EEA1: variants seen among roughly 807,000 people sequenced by gnomAD.
EEA1 encodes early endosome antigen 1.
EEA1 carries 111 observed loss-of-function variants against 209.2 expected under a neutral mutation model. That is an observed-to-expected ratio of 0.53 (90% CI 0.45 to 0.62). EEA1 has a LOEUF of 0.62. Among genes scored for constraint, EEA1 ranks in the 20% least tolerant of loss-of-function variants. EEA1 has a pLI of 0.00. For missense variants in EEA1, 1,343 were observed against 1,530.8 expected (o/e 0.88, Z 2.05); for synonymous variants, 536 against 540.6 (o/e 0.99, Z 0.12).
intron 21 of EEA1, among the ~76,000 whole-genome samples, chr12:92,792,469 T>C (rs1209594601): frequency 6.6e-6 from 1 of 151,936 alleles, no homozygotes; most frequent in Non-Finnish European, 1.5e-5. Context: ...CCCACAGAAA[T>C]ACAAACTACC....
chr12:92,802,502 CTGT>C lies in EEA1; in HGVS notation c.2569_2571del (p.Thr857del). On this transcript the variant is annotated inframe_deletion, in exon 19 of 29. Coordinates refer to ENST00000322349, the MANE Select transcript of EEA1 (RefSeq NM_003566.4). ...GAAACTTTTGATAGTTTGTCCTTTA[CTGT>C]AGAAAGCTCTGTCATTAAAGCTTCT... The C allele has an allele frequency of 6.3e-7, 1 of 1,591,272 alleles. No individual in the cohort carries two copies. Among genetic ancestry groups the C allele is most frequent in the Non-Finnish European group, 8.5e-7 (1 of 1,173,504 alleles).
chr12:92,925,433 C>G (rs1881176502), intron 1 of EEA1, among the ~76,000 whole-genome samples: 1 of 152,136 alleles, frequency 6.6e-6, no homozygotes, highest in African/African-American at 2.4e-5. Context: ...CCAAGCTGGT[C>G]TCGAACTCCT....
intron 9 of EEA1, 25 bp from the exon 10 acceptor site, chr12:92,842,606 A>C: frequency 7.6e-7 from 1 of 1,307,578 alleles, no homozygotes; most frequent in Non-Finnish European, 1.1e-6. Context: ...CAAAACAAAA[A>C]TTAAAGCAAA....
intron 1 of EEA1, among the ~76,000 whole-genome samples, chr12:92,892,819 G>A (rs898433844): frequency 7.2e-5 from 11 of 152,030 alleles, no homozygotes; most frequent in Non-Finnish European, 1.0e-4. Flanking sequence ...TAGTGGAAAC[G>A]GGGTTTCACC....
chr12:92,835,389 T>A (rs1230751113), intron 10 of EEA1: 1 of 347,464 alleles, frequency 2.9e-6, no homozygotes, highest in Non-Finnish European at 5.6e-6. Flanking sequence ...ACCCTTGAGA[T>A]AGTTTCACTC....
At chr12:92,868,780 C>T (rs529407137) in intron 2 of EEA1, among the ~76,000 whole-genome samples, 7 of 152,026 alleles carry the variant, frequency 4.6e-5, no homozygotes, top group South Asian at 2.1e-4. Flanking sequence ...CATATAATTC[C>T]GCACCTTCTC....
intron 3 of EEA1, chr12:92,859,292 T>TC: frequency 6.5e-7 from 1 of 1,538,832 alleles, no homozygotes; most frequent in South Asian, 1.2e-5. Flanking sequence ...TCATCTTTTT[T>TC]CCCCATACTT....
chr12:92,845,619 G>A (rs764569639), intron 9 of EEA1, among the ~76,000 whole-genome samples: 64 of 152,058 alleles, frequency 4.2e-4, no homozygotes, highest in Non-Finnish European at 8.1e-4. Flanking sequence ...GATCTTCCCC[G>A]ACAACTCTAA....
chr12:92,820,316 T>C (rs970690924), intron 13 of EEA1, among the ~76,000 whole-genome samples: 5 of 152,182 alleles, frequency 3.3e-5, no homozygotes, highest in Non-Finnish European at 5.9e-5. Context: ...CACACCACTC[T>C]GCTGACACAG....
intron 17 of EEA1, among the ~76,000 whole-genome samples, chr12:92,810,360 T>C (rs889181311): frequency 2.6e-5 from 4 of 152,142 alleles, no homozygotes; most frequent in Non-Finnish European, 5.9e-5. Context: ...TTTTAATAGG[T>C]ACCCAAAAAG....
intron 15 of EEA1, 104 bp downstream of exon 15, chr12:92,816,096 A>T (rs1211750997): frequency 2.9e-6 from 3 of 1,040,718 alleles, no homozygotes. Context: ...CTTATTTCAA[A>T]TTTTTTTCAA....
chr12:92,782,009 T>C lies in EEA1; in HGVS notation c.3277A>G (p.Lys1093Glu), dbSNP rs1049000876. ...AKATLEQDSA[K>E]KEQQLQERCK... ...CGCTCCTGCAATTGCTGTTCTTTCTTTGCTGAATCCTGCTCCAATGTAGCC... is the reference window on the plus strand; with the variant it reads ...CGCTCCTGCAATTGCTGTTCTTTCTCTGCTGAATCCTGCTCCAATGTAGCC... The change falls in exon 23 of 29, where the codon AAG becomes GAG. Residue 1093 changes from lysine to glutamate, a missense_variant. Around this residue, in one of 3 missense-constraint regions of EEA1, gnomAD observed 1,307 missense variants for 1,465.5 expected, o/e 0.89. Coordinates refer to ENST00000322349, the MANE Select transcript of EEA1 (RefSeq NM_003566.4). The C allele has an allele frequency of 6.2e-7, 1 of 1,613,340 alleles. No individual in the cohort carries two copies. Among genetic ancestry groups the C allele is most frequent in the Non-Finnish European group, 8.5e-7 (1 of 1,179,520 alleles).
intron 13 of EEA1, among the ~76,000 whole-genome samples, 186 bp from the exon 14 acceptor site, chr12:92,819,697 A>G (rs947028293): frequency 3.3e-5 from 5 of 152,132 alleles, no homozygotes; most frequent in South Asian, 4.1e-4. Context: ...ATATAAATCT[A>G]TATCATTATA....
intron 9 of EEA1, 62 bp from the exon 10 acceptor site, chr12:92,842,643 T>G (rs7316894): frequency 0.39 from 415,440 of 1,057,694 alleles, 90,160 homozygotes; most frequent in East Asian, 0.93. Context: ...ATAAAAAAAA[T>G]GAAAGTATAT....
Position 92,777,675 on chromosome 12 carries a change from T to C in EEA1, c.3894-12A>G, listed in dbSNP as rs1038766076. On this transcript the variant is annotated splice_polypyrimidine_tract_variant and intron_variant, in intron 26 of 28. Coordinates refer to ENST00000322349, the MANE Select transcript of EEA1 (RefSeq NM_003566.4). ...CTCCTTTAAGACATCTGGAATAGAT[T>C]GCAAAGAGGTAATTAATTTTTTAGA... 7 of 1,607,112 alleles carry C rather than the reference T, an allele frequency of 4.4e-6. No individual in the cohort carries two copies. Among genetic ancestry groups the C allele is most frequent in the Non-Finnish European group, 5.9e-6 (7 of 1,177,042 alleles).
intron 10 of EEA1, among the ~76,000 whole-genome samples, chr12:92,840,647 T>C (rs1158842778): frequency 6.6e-6 from 1 of 152,164 alleles, no homozygotes; most frequent in Non-Finnish European, 1.5e-5. Context: ...ATACAGAAAA[T>C]ACTAACATTT....
chr12:92,901,055 G>A (rs970244672), intron 1 of EEA1, among the ~76,000 whole-genome samples: 4 of 152,068 alleles, frequency 2.6e-5, no homozygotes, highest in African/African-American at 4.8e-5. Flanking sequence ...TTCACACTAC[G>A]ATGGTATTAA....
intron 2 of EEA1, among the ~76,000 whole-genome samples, chr12:92,865,439 G>C (rs909793051): frequency 8.6e-5 from 13 of 150,936 alleles, no homozygotes; most frequent in African/African-American, 3.2e-4. Flanking sequence ...AATCACCACA[G>C]AGTTTGGATA....
intron 2 of EEA1, among the ~76,000 whole-genome samples, chr12:92,872,966 G>A (rs1378495093): frequency 6.6e-6 from 1 of 151,762 alleles, no homozygotes; most frequent in South Asian, 2.1e-4. Flanking sequence ...ACAAAAAAAA[G>A]AATAATAGGA....
Sources: allele counts gnomAD v4.1 joint callset (sites outside exome capture counted in the v4.1 genomes callset), GRCh38; gene constraint gnomAD v4.1.1; regional missense constraint gnomAD v4.1.1; transcripts MANE v1.5; gene names NCBI Gene and HGNC (gene_info 2026-07-23, HGNC 2026-07-21).